Variants in LRRC4C observed in about 807,000 individuals in gnomAD.
LRRC4C encodes leucine-rich repeat-containing protein 4C.
In LRRC4C, 5 loss-of-function variants were observed where a neutral mutation model predicts 33.6. That is an observed-to-expected ratio of 0.15 (90% CI 0.08 to 0.31). The LOEUF (loss-of-function observed/expected upper bound fraction) is 0.31, where lower values mean the gene tolerates loss of function less well. LRRC4C is among the 10% of genes least tolerant of loss of function. The probability of loss-of-function intolerance (pLI) is 1.00; values close to 1 mark genes in which losing one functional copy is unlikely to be tolerated. For synonymous variants in LRRC4C, 329 were observed against 302.0 expected (o/e 1.09, Z -0.93); for missense variants, 560 against 796.7 (o/e 0.70, Z 3.58).
At chr11:40,193,034 G>T (rs1440504515) in intron 5 of LRRC4C, among the ~76,000 whole-genome samples, 1 of 152,220 alleles carries the variant, frequency 6.6e-6, no homozygotes, top group Non-Finnish European at 1.5e-5. Flanking sequence ...AGCTTCAGCA[G>T]ACTTAAATGT....
chr11:40,342,850 A>G (rs980185623), intron 3 of LRRC4C, among the ~76,000 whole-genome samples: 2 of 152,030 alleles, frequency 1.3e-5, no homozygotes, highest in African/African-American at 4.8e-5. Context: ...ATTTTCCTTT[A>G]TATCTATCTA....
chr11:41,376,724 T>C (rs1952948827), intron 1 of LRRC4C, among the ~76,000 whole-genome samples: 1 of 152,116 alleles, frequency 6.6e-6, no homozygotes, highest in South Asian at 2.1e-4. Context: ...ATATACACAA[T>C]ATACTGACAC....
chr11:40,398,604 C>T (rs1949635225), intron 3 of LRRC4C, among the ~76,000 whole-genome samples: 1 of 151,942 alleles, frequency 6.6e-6, no homozygotes, highest in African/African-American at 2.4e-5. Flanking sequence ...GTTTTGTTTT[C>T]CATAATGATA....
At chr11:40,136,154 G>A (rs948489586) in intron 6 of LRRC4C, among the ~76,000 whole-genome samples, 10 of 151,990 alleles carry the variant, frequency 6.6e-5, no homozygotes, top group Non-Finnish European at 1.2e-4. Flanking sequence ...TACACTGAAG[G>A]GCAGAACTGA....
intron 2 of LRRC4C, among the ~76,000 whole-genome samples, chr11:40,732,094 T>C (rs1947617744): frequency 6.6e-6 from 1 of 152,024 alleles, no homozygotes; most frequent in Admixed American, 6.5e-5. Context: ...TTATTTTCAA[T>C]AGAAGTTTCT....
chr11:41,240,981 T>C (rs1948228089), intron 1 of LRRC4C, among the ~76,000 whole-genome samples: 2 of 152,144 alleles, frequency 1.3e-5, no homozygotes, highest in Admixed American at 1.3e-4. Flanking sequence ...TGGAAAGACA[T>C]GGATTTTAAG....
At chr11:40,499,606 G>A (rs1227857065) in intron 3 of LRRC4C, among the ~76,000 whole-genome samples, 1 of 152,138 alleles carries the variant, frequency 6.6e-6, no homozygotes, top group Non-Finnish European at 1.5e-5. Flanking sequence ...TCTAATCAAT[G>A]TATTGATGAT....
intron 1 of LRRC4C, among the ~76,000 whole-genome samples, chr11:41,381,097 T>C (rs887054148): frequency 1.3e-5 from 2 of 152,082 alleles, no homozygotes; most frequent in Non-Finnish European, 1.5e-5. Flanking sequence ...CCTGGGCATA[T>C]AGAGAAGCGA....
chr11:40,369,884 TA>T (rs1455451570), intron 3 of LRRC4C, among the ~76,000 whole-genome samples: 12 of 152,170 alleles, frequency 7.9e-5, no homozygotes, highest in African/African-American at 2.9e-4. Context: ...ACAACGTTTC[TA>T]AAATTTTAGT....
chr11:40,781,891 T>C (rs1308547838), intron 2 of LRRC4C, among the ~76,000 whole-genome samples: 1 of 152,164 alleles, frequency 6.6e-6, no homozygotes, highest in African/African-American at 2.4e-5. Flanking sequence ...GAAAGTGAAA[T>C]GCCAGGCTTT....
At chr11:40,984,403 GAAA>G (rs1852825280) in intron 1 of LRRC4C, among the ~76,000 whole-genome samples, 1 of 85,692 alleles carries the variant, frequency 1.2e-5, no homozygotes. Flanking sequence ...AAGAAAGAAA[GAAA>G]GAAAGAAAGA....
At chr11:40,363,534 A>C (rs993684198) in intron 3 of LRRC4C, among the ~76,000 whole-genome samples, 2 of 152,168 alleles carry the variant, frequency 1.3e-5, no homozygotes, top group African/African-American at 4.8e-5. Context: ...CTATGTAACA[A>C]ATCTGCACAT....
chr11:40,779,088 A>G (rs1292561146), intron 2 of LRRC4C, among the ~76,000 whole-genome samples: 1 of 152,186 alleles, frequency 6.6e-6, no homozygotes, highest in Non-Finnish European at 1.5e-5. Context: ...TCTACCACCT[A>G]CCACAGGGAA....
intron 4 of LRRC4C, among the ~76,000 whole-genome samples, chr11:40,316,940 T>TAA (rs60188429): frequency 6.6e-6 from 1 of 151,730 alleles, no homozygotes; most frequent in South Asian, 2.1e-4. Flanking sequence ...CCTAATATGC[T>TAA]AAAAAAGATG....
chr11:40,884,166 T>C (rs920600559), intron 2 of LRRC4C, among the ~76,000 whole-genome samples: 1 of 152,116 alleles, frequency 6.6e-6, no homozygotes, highest in East Asian at 1.9e-4. Context: ...CATACAATTT[T>C]GGTTTTCTGT....
intron 2 of LRRC4C, among the ~76,000 whole-genome samples, chr11:40,720,072 T>G (rs1946935283): frequency 6.6e-6 from 1 of 152,216 alleles, no homozygotes; most frequent in African/African-American, 2.4e-5. Context: ...ATCCCTCATC[T>G]ATGATGCTTA....
At chr11:40,209,132 C>G (rs1024165087) in intron 5 of LRRC4C, among the ~76,000 whole-genome samples, 1 of 152,116 alleles carries the variant, frequency 6.6e-6, no homozygotes, top group African/African-American at 2.4e-5. Context: ...GATTCACACA[C>G]TAGTGAAGAG....
chr11:40,503,408 T>C (rs981100039), intron 3 of LRRC4C, among the ~76,000 whole-genome samples: 4 of 152,256 alleles, frequency 2.6e-5, no homozygotes, highest in Non-Finnish European at 5.9e-5. Context: ...TATATGCAGC[T>C]TCTCTGTCTT....
At chr11:41,061,682 A>G (rs779732130) in intron 1 of LRRC4C, among the ~76,000 whole-genome samples, 19 of 152,360 alleles carry the variant, frequency 1.2e-4, no homozygotes, top group Non-Finnish European at 2.6e-4. Flanking sequence ...TATAAAGCTA[A>G]AGAAATGCAA....
Sources: allele counts gnomAD v4.1 joint callset (sites outside exome capture counted in the v4.1 genomes callset), GRCh38; gene constraint gnomAD v4.1.1; transcripts MANE v1.5; gene names NCBI Gene and HGNC (gene_info 2026-07-23, HGNC 2026-07-21).